RAD54L: variants seen among roughly 807,000 people sequenced by gnomAD.
RAD54L encodes RAD54 like.
Under a neutral mutation model 91.6 loss-of-function variants are expected in RAD54L, and 74 were observed. The observed-to-expected ratio is 0.81, with a 90% confidence interval of 0.67 to 0.98. The LOEUF is 0.98. Ranked by LOEUF, RAD54L falls within the 50% of genes least tolerant of loss-of-function variation. The pLI, the probability that RAD54L is intolerant of heterozygous loss-of-function variation, is 0.00. For synonymous variants in RAD54L, 304 were observed against 349.7 expected, an observed-to-expected ratio of 0.87 and a Z score of 1.46; for missense variants, 887 against 945.7, an observed-to-expected ratio of 0.94 and a Z score of 0.81.
rs1157678413 is a variant in RAD54L at position 46,265,327 on chromosome 1, A to G, written c.892-2132A>G. Among the ~76,000 whole-genome samples the G allele has an allele frequency of 6.6e-6, 1 of 152,158 alleles. No homozygotes were observed. The highest frequency in any genetic ancestry group is 6.6e-5 in the Admixed American group (1 of 15,264). The stretch of plus-strand genomic sequence containing the variant: ...GTGAAACCCTGTTTCTACTAAAAAT[A>G]CAAAAGTTAGCCCGGCATAGTAACA... On this transcript the variant is annotated intron_variant, in intron 8 of 17. Transcript: ENST00000371975. The surrounding 1 kb of genome is among the most constrained non-coding windows in gnomAD (Gnocchi z 4.8).
At chr1:46,248,457 A>G (rs879092435) in intron 1 of RAD54L, 49 bp downstream of exon 1, 46 of 1,613,992 alleles carry the variant, frequency 2.9e-5, no homozygotes, top group Non-Finnish European at 3.8e-5. Context: ...GTCAGGGTCT[A>G]GTAGGCCTAG....
intron 3 of RAD54L, among the ~76,000 whole-genome samples, chr1:46,253,211 G>A (rs1169528916): frequency 1.3e-5 from 2 of 152,234 alleles, no homozygotes; most frequent in African/African-American, 4.8e-5. Flanking sequence ...TTGTCCAGAA[G>A]ATATGAACAG....
intron 12 of RAD54L, 35 bp from the exon 13 acceptor site, chr1:46,273,320 G>A: frequency 1.9e-6 from 3 of 1,552,690 alleles, no homozygotes; most frequent in Non-Finnish European, 2.7e-6. Context: ...ACTTCAGAAA[G>A]CAAAGTATCT....
At chr1:46,266,938 GA>G (rs1660282141) in intron 8 of RAD54L, among the ~76,000 whole-genome samples, 1 of 152,198 alleles carries the variant, frequency 6.6e-6, no homozygotes, top group Admixed American at 6.5e-5. Flanking sequence ...TCTGTCTTTT[GA>G]GCCTAATATT....
intron 8 of RAD54L, among the ~76,000 whole-genome samples, chr1:46,264,115 T>TTTTTTC (rs1660204154): frequency 6.6e-6 from 1 of 152,200 alleles, no homozygotes; most frequent in South Asian, 2.1e-4. Flanking sequence ...TCCTTAGTGT[T>TTTTTTC]TTTTTCTTCC....
At chr1:46,271,293 T>C (rs1487006040) in intron 10 of RAD54L, among the ~76,000 whole-genome samples, 1 of 152,076 alleles carries the variant, frequency 6.6e-6, no homozygotes, top group Admixed American at 6.6e-5. Context: ...ACTTGATAGG[T>C]TACATTCTAA....
intron 9 of RAD54L, 159 bp downstream of exon 9, chr1:46,267,768 T>C (rs1660308193): frequency 1.0e-6 from 1 of 1,002,696 alleles, no homozygotes; most frequent in Non-Finnish European, 1.5e-6. Flanking sequence ...AGCAAAGCCA[T>C]TGGGAGGCCT....
chr1:46,276,989 G>A (rs1484001379), intron 16 of RAD54L, among the ~76,000 whole-genome samples: 2 of 152,128 alleles, frequency 1.3e-5, no homozygotes, highest in Non-Finnish European at 2.9e-5. Context: ...TAGAGACAGG[G>A]TTTTGCCATG....
chr1:46,273,241 A>C lies in RAD54L; in HGVS notation c.1376-114A>C, dbSNP rs915294807. 3 of 877,340 alleles carry C rather than the reference A, an allele frequency of 3.4e-6. No individual in the cohort carries two copies. The South Asian group carries it at 4.0e-5, about 12-fold the overall frequency. The allele number at this position is 877,340 out of a possible 1,614,324, so 54.3% of individuals were successfully genotyped here. On this transcript the variant is annotated intron_variant, in intron 12 of 17. Transcript: ENST00000371975. ...AATTTGGTAGGATGAAGATCAAGCA[A>C]GTCTGATGTTGAGGAAGGCCTTTTG...
Position 46,270,697 on chromosome 1 carries a change from AT to A in RAD54L, c.1085del (p.Leu362Ter). 6.2e-7 allele frequency: 1 copy of A among 1,614,188 alleles called. No individual in the cohort carries two copies. The highest frequency in any genetic ancestry group is 8.5e-7 in the Non-Finnish European group (1 of 1,180,038). On this transcript the variant is annotated frameshift_variant, in exon 10 of 18. Coordinates refer to ENST00000371975, the MANE Select transcript of RAD54L (RefSeq NM_003579.4). LOFTEE classifies it high-confidence loss of function. ...HEFKKHFELP[I>X]LKGRDAAASE... The stretch of plus-strand genomic sequence containing the variant: ...ATTCAAGAAGCATTTTGAATTGCCA[AT>A]TTTGAAGGGTCGAGACGCTGCTGCT...
chr1:46,278,247 C>T lies in RAD54L; in HGVS notation c.2209C>T (p.Gln737Ter), dbSNP rs758653425. 1.9e-6 allele frequency: 3 copies of T among 1,613,842 alleles called. No individual in the cohort carries two copies. The South Asian group carries it at 3.3e-5, about 18-fold the overall frequency. ...ASTAITFVFH[Q>*]RSHEEQRGLR The stretch of plus-strand genomic sequence containing the variant: ...CACTGCCATCACCTTCGTCTTCCAC[C>T]AGCGTTCTCATGAGGAGCAGCGGGG... The change falls in exon 18 of 18, where the codon CAG (glutamine) becomes TAG (stop). Residue 737 changes from glutamine to a stop codon, truncating the protein, a stop_gained. Coordinates refer to ENST00000371975, the MANE Select transcript of RAD54L (RefSeq NM_003579.4). LOFTEE classifies it high-confidence loss of function.
intron 16 of RAD54L, among the ~76,000 whole-genome samples, chr1:46,275,626 G>A (rs997057567): frequency 6.6e-6 from 1 of 152,022 alleles, no homozygotes; most frequent in Non-Finnish European, 1.5e-5. Context: ...TTCTCTTTTT[G>A]AGGTGGGCCA....
chr1:46,250,383 C>T (rs1198262346), intron 3 of RAD54L, among the ~76,000 whole-genome samples: 1 of 152,200 alleles, frequency 6.6e-6, no homozygotes, highest in Non-Finnish European at 1.5e-5. Flanking sequence ...CTAGGATCCT[C>T]ATGTCAGCTC....
intron 5 of RAD54L, 22 bp downstream of exon 5, chr1:46,260,121 A>G (rs558246599): frequency 6.2e-7 from 1 of 1,614,064 alleles, no homozygotes; most frequent in African/African-American, 1.3e-5. Context: ...GGTATTTCAT[A>G]AGCAGTTTTG....
At chr1:46,261,142 A>C in intron 7 of RAD54L, 119 bp from the exon 8 acceptor site, 1 of 1,544,850 alleles carries the variant, frequency 6.5e-7, no homozygotes, top group Non-Finnish European at 8.8e-7. Flanking sequence ...TCCATTGAAA[A>C]TAGTTGAAGT....
At chr1:46,272,900 G>C (rs1660476393) in intron 12 of RAD54L, 98 bp downstream of exon 12, 2 of 1,530,318 alleles carry the variant, frequency 1.3e-6, no homozygotes, top group South Asian at 2.3e-5. Flanking sequence ...CTCGTCCAGA[G>C]TCATCCTCAT....
At chr1:46,257,279 CTA>C (rs1659971075) in intron 3 of RAD54L, among the ~76,000 whole-genome samples, 1 of 151,514 alleles carries the variant, frequency 6.6e-6, no homozygotes, top group Non-Finnish European at 1.5e-5. Context: ...TCCTATTAGA[CTA>C]TGTTTTTTGC....
At chr1:46,270,881 G>A (rs1660406893) in intron 10 of RAD54L, 96 bp downstream of exon 10, 2 of 1,551,194 alleles carry the variant, frequency 1.3e-6, no homozygotes, top group Non-Finnish European at 1.8e-6. Flanking sequence ...CAAAGGCTGG[G>A]ATTCTAGGAA....
intron 3 of RAD54L, among the ~76,000 whole-genome samples, chr1:46,258,309 A>G (rs1160005811): frequency 6.6e-6 from 1 of 151,546 alleles, no homozygotes; most frequent in Non-Finnish European, 1.5e-5. Context: ...TGTAGCCAAA[A>G]AAAAAAAAAA....
Sources: gnomAD v4.1 joint callset for allele counts (sites outside exome capture counted in the v4.1 genomes callset) on GRCh38, gnomAD v4.1.1 for gene constraint, Gnocchi (gnomAD v3.1) non-coding constraint, MANE v1.5 for transcripts, NCBI Gene and HGNC (gene_info 2026-07-23, HGNC 2026-07-21) for gene names.